The following SGIP1 variants were observed in gnomAD, a reference collection of about 807,000 sequenced individuals.
The protein encoded by SGIP1 is SH3GL interacting endocytic adaptor 1.
In SGIP1, 38 loss-of-function variants were observed where a neutral mutation model predicts 107.5. The ratio of observed to expected loss-of-function variants is 0.35; its 90% CI spans 0.27 to 0.46. The LOEUF (loss-of-function observed/expected upper bound fraction) is 0.46, where lower values mean the gene tolerates loss of function less well. Ranked by LOEUF, SGIP1 falls within the 20% of genes least tolerant of loss-of-function variation. SGIP1 has a pLI of 1.00. For synonymous variants in SGIP1, 365 were observed against 366.1 expected (o/e 1.00, Z 0.03); for missense variants, 929 against 1,019.5 (o/e 0.91, Z 1.21).
intron 1 of SGIP1, among the ~76,000 whole-genome samples, chr1:66,617,549 G>A (rs192679196): frequency 6.6e-6 from 1 of 152,164 alleles, no homozygotes; most frequent in Non-Finnish European, 1.5e-5. Flanking sequence ...TGTGCCCAGG[G>A]CAATTAAATT....
chr1:66,619,939 T>C (rs1243994373), intron 1 of SGIP1, among the ~76,000 whole-genome samples: 2 of 152,234 alleles, frequency 1.3e-5, no homozygotes, highest in African/African-American at 4.8e-5. Flanking sequence ...CTGTAGGTTC[T>C]TTGGAGTATG....
At chr1:66,593,781 A>G (rs1261500038) in intron 1 of SGIP1, among the ~76,000 whole-genome samples, 1 of 152,170 alleles carries the variant, frequency 6.6e-6, no homozygotes, top group African/African-American at 2.4e-5. Context: ...AAAAAGATAT[A>G]AAAACAAACC....
chr1:66,599,590 G>A (rs1319165678), intron 1 of SGIP1, among the ~76,000 whole-genome samples: 1 of 152,188 alleles, frequency 6.6e-6, no homozygotes, highest in African/African-American at 2.4e-5. Context: ...TGTACAGTAT[G>A]AAAAGATAGA....
At chr1:66,608,494 C>T (rs6679568) in intron 1 of SGIP1, among the ~76,000 whole-genome samples, 67,173 of 151,978 alleles carry the variant, frequency 0.44, 14,970 homozygotes, top group East Asian at 0.53. Flanking sequence ...ATTTTAAAAG[C>T]GCTTTTTACA....
intron 18 of SGIP1, among the ~76,000 whole-genome samples, chr1:66,711,199 T>C (rs978926768): frequency 6.6e-6 from 1 of 152,212 alleles, no homozygotes; most frequent in African/African-American, 2.4e-5. Flanking sequence ...TTAGTATCCA[T>C]TTAAAGTACC....
intron 20 of SGIP1, among the ~76,000 whole-genome samples, chr1:66,729,731 C>CAGTGGAT (rs2093921632): frequency 6.6e-6 from 1 of 152,184 alleles, no homozygotes; most frequent in South Asian, 2.1e-4. Flanking sequence ...TATCAACAGA[C>CAGTGGAT]AGTGGATGAC....
intron 1 of SGIP1, among the ~76,000 whole-genome samples, chr1:66,577,162 C>T (rs2061180278): frequency 6.6e-6 from 1 of 152,152 alleles, no homozygotes; most frequent in Non-Finnish European, 1.5e-5. Context: ...TTATCTCTGC[C>T]TGTTAAATGT....
intron 20 of SGIP1, 43 bp from the exon 21 acceptor site, chr1:66,733,705 G>T: frequency 6.3e-7 from 1 of 1,597,832 alleles, no homozygotes; most frequent in South Asian, 1.1e-5. Flanking sequence ...GTTTATATTT[G>T]TTTTAAGATG....
At position 66,589,360 on chromosome 1, in the gene SGIP1, A is replaced by AC. The variant is rs200776669; in HGVS notation, c.11-36487_11-36486insC. On this transcript the variant is annotated intron_variant, in intron 1 of 24. Transcript: ENST00000371037. ...TTGTTTTCTTAAATAATTTGGGCAC[A>AC]AAAAAAAAAAAGAAATTCTGTTCTT... is the stretch of plus-strand genomic sequence containing the variant. Among the ~76,000 whole-genome samples, 61 of 107,044 alleles carry AC rather than the reference A, an allele frequency of 5.7e-4. 2 individuals are homozygous for AC. In the East Asian group the frequency reaches 0.015, roughly 27 times the overall value. The allele number at this position is 107,044 out of a possible 152,430, so 70.2% of individuals were successfully genotyped here. A position where few individuals can be genotyped will look rare whatever the true frequency, so the allele number is the denominator to read the frequency against.
intron 2 of SGIP1, among the ~76,000 whole-genome samples, chr1:66,632,084 A>G (rs1322008277): frequency 2.0e-5 from 3 of 152,322 alleles, no homozygotes; most frequent in African/African-American, 4.8e-5. Flanking sequence ...GTGAAGAGAC[A>G]TCTTGGAAGA....
intron 1 of SGIP1, among the ~76,000 whole-genome samples, chr1:66,561,840 G>A (rs192877419): frequency 1.3e-5 from 2 of 152,140 alleles, no homozygotes; most frequent in East Asian, 3.9e-4. Context: ...GTCTGAAACA[G>A]ATATATGTTT....
At chr1:66,536,144 G>A (rs2053546525) in intron 1 of SGIP1, among the ~76,000 whole-genome samples, 1 of 152,222 alleles carries the variant, frequency 6.6e-6, no homozygotes. Flanking sequence ...AAACCAAAAT[G>A]AGAACTGCAA....
At chr1:66,670,129 C>T (rs1246909408) in intron 9 of SGIP1, among the ~76,000 whole-genome samples, 1 of 152,210 alleles carries the variant, frequency 6.6e-6, no homozygotes, top group African/African-American at 2.4e-5. Flanking sequence ...CTGCAGGCAT[C>T]CCAAGCCATG....
rs372437811 is a variant in SGIP1 at position 66,671,011 on chromosome 1, A to G, written c.500A>G (p.Asn167Ser). ...PRRSPGAIKR[N>S]LSSEEVARPR... is the part of the protein sequence containing the mutation. ...TAATTCTAGGGTGCAATTAAAAGGA[A>G]CTTATCCAGTAAGTATATCTTAGCT... is the stretch of plus-strand genomic sequence containing the variant. Residue 167 changes from asparagine (N) to serine (S), a missense_variant, in exon 10 of 25, where the codon AAC becomes AGC. This residue lies in a region of SGIP1 where 588 missense variants were observed against 588.6 expected (regional missense o/e 1.00). Transcript: ENST00000371037. 1 of 1,395,876 alleles carries G rather than the reference A, an allele frequency of 7.2e-7. No individual in the cohort carries two copies. 86.5% of individuals were successfully genotyped at this position (1,395,876 alleles called of 1,614,324 possible). A position where few individuals can be genotyped will look rare whatever the true frequency, so the allele number is the denominator to read the frequency against.
chr1:66,694,766 T>A (rs1422183812), intron 17 of SGIP1: 2 of 369,640 alleles, frequency 5.4e-6, no homozygotes, highest in African/African-American at 4.2e-5. Context: ...GCTTTGTGAA[T>A]TTACAAAGGA....
intron 15 of SGIP1, chr1:66,684,006 C>A: frequency 6.7e-7 from 1 of 1,487,952 alleles, no homozygotes; most frequent in Non-Finnish European, 9.0e-7. Flanking sequence ...CTTGAGCTAC[C>A]GCGCCCAGCC....
At chr1:66,731,503 A>T (rs1307060924) in intron 20 of SGIP1, among the ~76,000 whole-genome samples, 2 of 152,178 alleles carry the variant, frequency 1.3e-5, no homozygotes, top group Non-Finnish European at 1.5e-5. Context: ...ACAAAATATT[A>T]TATAGACCCT....
chr1:66,537,013 C>T (rs1365703376), intron 1 of SGIP1, among the ~76,000 whole-genome samples: 8 of 152,074 alleles, frequency 5.3e-5, no homozygotes, highest in Non-Finnish European at 1.2e-4. Flanking sequence ...GATATAGGCT[C>T]CATTCATTCA....
intron 1 of SGIP1, among the ~76,000 whole-genome samples, chr1:66,593,048 T>A (rs773429679): frequency 6.6e-6 from 1 of 151,998 alleles, no homozygotes; most frequent in Non-Finnish European, 1.5e-5. Flanking sequence ...CTGGCCTATG[T>A]AGCCTTTTCA....
Sources: allele counts gnomAD v4.1 joint callset (sites outside exome capture counted in the v4.1 genomes callset), GRCh38; gene constraint gnomAD v4.1.1; regional missense constraint gnomAD v4.1.1; transcripts MANE v1.5; gene names NCBI Gene and HGNC (gene_info 2026-07-23, HGNC 2026-07-21).